Variants in HECW2 observed in about 807,000 individuals in gnomAD.
HECW2 encodes HECT, C2 and WW domain containing E3 ubiquitin protein ligase 2.
In HECW2, 61 loss-of-function variants were observed where a neutral mutation model predicts 175.2. The ratio of observed to expected loss-of-function variants is 0.35; its 90% CI spans 0.28 to 0.43. HECW2 has a LOEUF of 0.43. Among genes scored for constraint, HECW2 ranks in the 20% least tolerant of loss-of-function variants. The pLI, the probability that HECW2 is intolerant of heterozygous loss-of-function variation, is 1.00. For missense variants in HECW2, 1,524 were observed against 2,000.5 expected (o/e 0.76, Z 4.54); for synonymous variants, 671 against 731.0 (o/e 0.92, Z 1.32).
chr2:196,467,894 C>T (rs767500321), intron 1 of HECW2, among the ~76,000 whole-genome samples: 1 of 152,226 alleles, frequency 6.6e-6, no homozygotes, highest in East Asian at 1.9e-4. Context: ...TCTTGCTAAA[C>T]GTGTCCTTAT....
chr2:196,250,408 C>T (rs1398637396), intron 19 of HECW2, among the ~76,000 whole-genome samples: 2 of 152,182 alleles, frequency 1.3e-5, no homozygotes, highest in Non-Finnish European at 2.9e-5. Context: ...GACACATTAA[C>T]CTTTATTGGC....
chr2:196,399,395 C>T (rs776851741), intron 2 of HECW2, among the ~76,000 whole-genome samples: 1 of 152,194 alleles, frequency 6.6e-6, no homozygotes, highest in African/African-American at 2.4e-5. Context: ...GGCTAAACTG[C>T]CAGAGGCCAG....
At chr2:196,288,053 G>C (rs1690459124) in intron 14 of HECW2, 1 of 151,428 alleles carries the variant, frequency 6.6e-6, no homozygotes, top group South Asian at 2.1e-4. Flanking sequence ...ACAACGTGCA[G>C]GTTTGTTACA....
intron 19 of HECW2, 32 bp downstream of exon 19, chr2:196,253,888 G>T: frequency 1.2e-6 from 2 of 1,600,266 alleles, no homozygotes; most frequent in South Asian, 2.2e-5. Context: ...TCACTCCTCA[G>T]AGAATTCACT....
intron 10 of HECW2, among the ~76,000 whole-genome samples, chr2:196,313,116 AT>A (rs1334164103): frequency 6.6e-6 from 1 of 152,134 alleles, no homozygotes; most frequent in Non-Finnish European, 1.5e-5. Context: ...AAAAACTACC[AT>A]TTTGGGGGAA....
chr2:196,549,582 G>T (rs1284689685), intron 1 of HECW2, among the ~76,000 whole-genome samples: 1 of 148,776 alleles, frequency 6.7e-6, no homozygotes. Context: ...TCTGATATTT[G>T]CCAGTCTTGC....
intron 23 of HECW2, among the ~76,000 whole-genome samples, chr2:196,222,945 A>C (rs1254077206): frequency 6.6e-6 from 1 of 151,980 alleles, no homozygotes; most frequent in East Asian, 1.9e-4. Context: ...CACTTTTTTT[A>C]ATTGTAGAGA....
intron 17 of HECW2, among the ~76,000 whole-genome samples, chr2:196,270,242 T>A (rs1204375430): frequency 6.6e-6 from 1 of 151,790 alleles, no homozygotes. Flanking sequence ...AAAGTGAGAG[T>A]CCACAGTGGA....
chr2:196,302,015 C>A (rs958993143), intron 13 of HECW2, among the ~76,000 whole-genome samples: 2 of 152,052 alleles, frequency 1.3e-5, no homozygotes, highest in Non-Finnish European at 2.9e-5. Context: ...TTATAGCTTT[C>A]AGCTTTACAT....
intron 1 of HECW2, among the ~76,000 whole-genome samples, chr2:196,575,695 A>C (rs959465679): frequency 5.1e-4 from 78 of 152,200 alleles, no homozygotes; most frequent in African/African-American, 1.9e-3. Context: ...AAAGAAAATA[A>C]GTTTATTTAG....
At chr2:196,562,575 A>G (rs1340270118) in intron 1 of HECW2, among the ~76,000 whole-genome samples, 1 of 152,218 alleles carries the variant, frequency 6.6e-6, no homozygotes, top group Non-Finnish European at 1.5e-5. Context: ...AAATGAGCAC[A>G]AGTAAACCCC....
intron 1 of HECW2, among the ~76,000 whole-genome samples, chr2:196,499,850 G>A (rs1263540484): frequency 6.6e-6 from 1 of 152,088 alleles, no homozygotes; most frequent in East Asian, 1.9e-4. Flanking sequence ...TTTTCCTCAA[G>A]GGTTTTATTT....
intron 1 of HECW2, among the ~76,000 whole-genome samples, chr2:196,494,597 T>C (rs1451305530): frequency 6.6e-6 from 1 of 152,114 alleles, no homozygotes; most frequent in East Asian, 1.9e-4. Context: ...ACAGAGCACA[T>C]AGGGAAGGCA....
intron 2 of HECW2, among the ~76,000 whole-genome samples, chr2:196,378,396 T>C (rs1694109543): frequency 6.6e-6 from 1 of 152,124 alleles, no homozygotes; most frequent in African/African-American, 2.4e-5. Context: ...AGGGATAAAA[T>C]ATAAAACTAC....
chr2:196,257,916 A>G lies in HECW2; in HGVS notation c.3336-10T>C. On this transcript the variant is annotated splice_polypyrimidine_tract_variant and intron_variant, in intron 17 of 28. Coordinates refer to ENST00000644978, the MANE Select transcript of HECW2 (RefSeq NM_001348768.2). ...AAATTGGATCTTCTCCCTAATCAAGAAAAGAAACAGCACAAAATGTATATG... is the reference window on the plus strand; with the variant it reads ...AAATTGGATCTTCTCCCTAATCAAGGAAAGAAACAGCACAAAATGTATATG... 1.3e-6 allele frequency: 2 copies of G among 1,598,438 alleles called. No individual in the cohort carries two copies. The highest frequency in any genetic ancestry group is 1.7e-6 in the Non-Finnish European group (2 of 1,165,898).
chr2:196,223,305 G>T (rs902135661), intron 23 of HECW2, among the ~76,000 whole-genome samples: 2 of 152,184 alleles, frequency 1.3e-5, no homozygotes, highest in African/African-American at 2.4e-5. Context: ...ATAAGGTAGG[G>T]ATAGGGATTT....
chr2:196,469,002 T>C (rs367790174), intron 1 of HECW2, among the ~76,000 whole-genome samples: 138 of 152,272 alleles, frequency 9.1e-4, no homozygotes, highest in African/African-American at 3.0e-3. Context: ...GCAACAATTC[T>C]TTTTCAAGGA....
intron 1 of HECW2, among the ~76,000 whole-genome samples, chr2:196,577,102 C>A (rs934143378): frequency 6.6e-6 from 1 of 152,106 alleles, no homozygotes; most frequent in Non-Finnish European, 1.5e-5. Context: ...TAGGCTAGAA[C>A]TTATTAGGGA....
chr2:196,273,049 ATTTTTTTTTTTTTTTTTT>A (rs778348590), intron 16 of HECW2, among the ~76,000 whole-genome samples: 63,921 of 112,880 alleles, frequency 0.57, 19,949 homozygotes, highest in South Asian at 0.7. Context: ...AGCTGGTCTA[ATTTTTTTTTTTTTTTTTT>A]TTTTTTTTTT....
Sources: gnomAD v4.1 joint callset for allele counts (sites outside exome capture counted in the v4.1 genomes callset) on GRCh38, gnomAD v4.1.1 for gene constraint, MANE v1.5 for transcripts, NCBI Gene and HGNC (gene_info 2026-07-23, HGNC 2026-07-21) for gene names.